MYRIP: variants seen among roughly 807,000 people sequenced by gnomAD.
MYRIP encodes myosin VIIA and Rab interacting protein.
A neutral mutation model predicts 98.0 loss-of-function variants in MYRIP; 49 were observed. The ratio of observed to expected loss-of-function variants is 0.50; its 90% CI spans 0.40 to 0.63. The LOEUF (loss-of-function observed/expected upper bound fraction) is 0.63. Among genes scored for constraint, MYRIP ranks in the 30% least tolerant of loss-of-function variants. The probability of loss-of-function intolerance (pLI) is 0.00; values close to 1 mark genes in which losing one functional copy is unlikely to be tolerated. For missense variants in MYRIP, 1,004 were observed against 1,058.2 expected (o/e 0.95, Z 0.71); for synonymous variants, 404 against 409.5 (o/e 0.99, Z 0.16).
intron 11 of MYRIP, among the ~76,000 whole-genome samples, chr3:40,221,073 A>G (rs1387913768): frequency 4.0e-5 from 6 of 149,760 alleles, no homozygotes; most frequent in East Asian, 2.0e-4. Flanking sequence ...AAAAGAGAAA[A>G]TGTAAATGGA....
At position 39,830,923 on chromosome 3, in the gene MYRIP, A is replaced by C. The variant is rs539975083; in HGVS notation, c.-31+21007A>C. ...CTTAAACCCATCCCTGCAGATTGCC[A>C]GCCCAGTTTCATCAACTTCACCGGA... On this transcript the variant is annotated intron_variant, in intron 1 of 16. Coordinates refer to ENST00000302541, the MANE Select transcript of MYRIP (RefSeq NM_015460.4). 1.3e-4 allele frequency among the ~76,000 whole-genome samples: 20 copies of C among 152,336 alleles called. No individual in the cohort carries two copies. In the East Asian group the frequency reaches 2.7e-3, roughly 21 times the overall value.
chr3:40,135,414 A>G (rs923299220), intron 3 of MYRIP, among the ~76,000 whole-genome samples: 1 of 152,254 alleles, frequency 6.6e-6, no homozygotes, highest in Non-Finnish European at 1.5e-5. Context: ...TGATTGGTGT[A>G]TCTGAAAGTG....
intron 2 of MYRIP, among the ~76,000 whole-genome samples, chr3:39,963,997 A>G (rs1354722805): frequency 6.6e-6 from 1 of 152,106 alleles, no homozygotes; most frequent in Non-Finnish European, 1.5e-5. Context: ...TATTTTCTGT[A>G]TACTATCTGG....
chr3:39,899,478 T>A (rs1943693945), intron 1 of MYRIP, among the ~76,000 whole-genome samples: 1 of 152,208 alleles, frequency 6.6e-6, no homozygotes, highest in Non-Finnish European at 1.5e-5. Context: ...TTAGGTTAAC[T>A]ATGTGAAATC....
intron 10 of MYRIP, among the ~76,000 whole-genome samples, chr3:40,208,160 G>A (rs1342845320): frequency 6.6e-6 from 1 of 152,036 alleles, no homozygotes; most frequent in East Asian, 1.9e-4. Context: ...TCAAAAGATA[G>A]GAAAAATAAG....
chr3:39,982,331 C>CTCTGT (rs1945914802), intron 2 of MYRIP, among the ~76,000 whole-genome samples: 1 of 152,128 alleles, frequency 6.6e-6, no homozygotes, highest in Non-Finnish European at 1.5e-5. Context: ...TTGGCAGCAC[C>CTCTGT]ATATACATGT....
At chr3:39,910,576 T>A (rs7619249) in intron 2 of MYRIP, among the ~76,000 whole-genome samples, 2,857 of 152,304 alleles carry the variant, frequency 0.019, 89 homozygotes, top group African/African-American at 0.064. Flanking sequence ...GTAGTCTAAG[T>A]GTGAAATAAA....
intron 2 of MYRIP, among the ~76,000 whole-genome samples, chr3:39,954,774 G>GA (rs1945113113): frequency 6.6e-6 from 1 of 151,998 alleles, no homozygotes; most frequent in African/African-American, 2.4e-5. Flanking sequence ...TAAAAACCTT[G>GA]AAAAAAGATT....
chr3:40,192,679 G>A (rs1223491632), intron 10 of MYRIP, among the ~76,000 whole-genome samples: 1 of 152,082 alleles, frequency 6.6e-6, no homozygotes, highest in African/African-American at 2.4e-5. Context: ...ACAACAACAG[G>A]TGAGTTCAAA....
At chr3:39,889,456 A>C (rs1329407237) in intron 1 of MYRIP, among the ~76,000 whole-genome samples, 1 of 152,116 alleles carries the variant, frequency 6.6e-6, no homozygotes, top group Non-Finnish European at 1.5e-5. Context: ...ACATATTCTC[A>C]CTCATAGGTG....
intron 3 of MYRIP, among the ~76,000 whole-genome samples, chr3:40,114,328 T>C (rs1949229433): frequency 1.3e-5 from 2 of 152,230 alleles, no homozygotes; most frequent in Admixed American, 1.3e-4. Context: ...GGCCATACCA[T>C]GTAGCCTAAG....
intron 5 of MYRIP, 138 bp downstream of exon 5, chr3:40,162,948 G>C: frequency 1.4e-6 from 1 of 694,350 alleles, no homozygotes; most frequent in Non-Finnish European, 2.4e-6. Flanking sequence ...AGTCTCCCTG[G>C]GTCACTTATT....
chr3:40,006,833 GC>G (rs1946646119), intron 2 of MYRIP, among the ~76,000 whole-genome samples: 1 of 152,204 alleles, frequency 6.6e-6, no homozygotes, highest in African/African-American at 2.4e-5. Context: ...CCCTTAAGCA[GC>G]TAAATTAAAT....
intron 3 of MYRIP, among the ~76,000 whole-genome samples, chr3:40,063,559 C>T (rs183369094): frequency 1.4e-3 from 220 of 152,298 alleles, no homozygotes; most frequent in Middle Eastern, 6.8e-3. Flanking sequence ...TTTTCACTTG[C>T]ATCTTTGTAT....
intron 2 of MYRIP, among the ~76,000 whole-genome samples, chr3:39,984,118 G>A (rs1438033666): frequency 6.6e-6 from 1 of 152,142 alleles, no homozygotes; most frequent in African/African-American, 2.4e-5. Flanking sequence ...GTGAGTGGTT[G>A]TGGGGCAGGC....
chr3:39,842,788 AC>A (rs1941844629), intron 1 of MYRIP, among the ~76,000 whole-genome samples: 1 of 152,072 alleles, frequency 6.6e-6, no homozygotes, highest in Non-Finnish European at 1.5e-5. Context: ...AGTGGGCTGC[AC>A]CCACTGTCTA....
At chr3:40,112,611 G>T (rs1250864915) in intron 3 of MYRIP, among the ~76,000 whole-genome samples, 1 of 152,216 alleles carries the variant, frequency 6.6e-6, no homozygotes, top group Non-Finnish European at 1.5e-5. Flanking sequence ...CAAGGTCACT[G>T]TGGCAGTGTG....
rs998001297 is a variant in MYRIP at position 39,817,579 on chromosome 3, T to G, written c.-31+7663T>G. On this transcript the variant is annotated intron_variant, in intron 1 of 16. Coordinates refer to ENST00000302541, the MANE Select transcript of MYRIP (RefSeq NM_015460.4). ...TTAATAATATATTTAATTCAGTATA[T>G]CAAATATACTTTTGTATATATTTCA... Among the ~76,000 whole-genome samples the G allele has an allele frequency of 3.9e-5, 6 of 152,296 alleles. No individual in the cohort carries two copies. The South Asian group carries it at 1.2e-3, about 32-fold the overall frequency.
chr3:40,058,257 A>G (rs1469799062), intron 3 of MYRIP, among the ~76,000 whole-genome samples: 1 of 152,176 alleles, frequency 6.6e-6, no homozygotes, highest in South Asian at 2.1e-4. Context: ...GAAAGACTTC[A>G]TAGGATCATA....
Sources: gnomAD v4.1 joint callset for allele counts (sites outside exome capture counted in the v4.1 genomes callset) on GRCh38, gnomAD v4.1.1 for gene constraint, MANE v1.5 for transcripts, NCBI Gene and HGNC (gene_info 2026-07-23, HGNC 2026-07-21) for gene names.